Variants in PHACTR1 observed in about 807,000 individuals in gnomAD.
The protein encoded by PHACTR1 is RPEL repeat containing 1.
Under a neutral mutation model 69.2 loss-of-function variants are expected in PHACTR1, and 16 were observed. That is an observed-to-expected ratio of 0.23 (90% confidence interval 0.16 to 0.35). The LOEUF is 0.35. PHACTR1 is among the 10% of genes least tolerant of loss of function. PHACTR1 has a pLI of 1.00. For synonymous variants in PHACTR1, 312 were observed against 284.5 expected, an observed-to-expected ratio of 1.10 and a Z score of -0.97; for missense variants, 510 against 734.7, an observed-to-expected ratio of 0.69 and a Z score of 3.54.
intron 4 of PHACTR1, among the ~76,000 whole-genome samples, chr6:12,852,571 C>CTTTATA (rs968475317): frequency 3.3e-5 from 5 of 152,076 alleles, no homozygotes; most frequent in Admixed American, 1.3e-4. Context: ...TCTGCAATCT[C>CTTTATA]TTTATATTTA....
chr6:12,886,690 G>A (rs1035855669), intron 4 of PHACTR1, among the ~76,000 whole-genome samples: 1 of 152,154 alleles, frequency 6.6e-6, no homozygotes, highest in Non-Finnish European at 1.5e-5. Context: ...AGAACCTTCC[G>A]AAGGAAACCC....
chr6:13,180,602 C>G (rs1471529165), intron 6 of PHACTR1, among the ~76,000 whole-genome samples: 1 of 152,212 alleles, frequency 6.6e-6, no homozygotes, highest in Non-Finnish European at 1.5e-5. Context: ...AGACCTCCGT[C>G]CCCTCTGGTT....
intron 3 of PHACTR1, among the ~76,000 whole-genome samples, chr6:12,722,457 CAG>C (rs1468302554): frequency 6.6e-6 from 1 of 152,202 alleles, no homozygotes; most frequent in African/African-American, 2.4e-5. Context: ...TTGATCCACA[CAG>C]AGTTGTTTCT....
At chr6:12,907,526 G>A (rs1785878550) in intron 4 of PHACTR1, among the ~76,000 whole-genome samples, 1 of 152,190 alleles carries the variant, frequency 6.6e-6, no homozygotes, top group Non-Finnish European at 1.5e-5. Context: ...TTGATCTAAG[G>A]TTGGTCCTCA....
chr6:13,235,264 G>A (rs1233954474), intron 10 of PHACTR1, among the ~76,000 whole-genome samples: 1 of 152,124 alleles, frequency 6.6e-6, no homozygotes, highest in East Asian at 1.9e-4. Flanking sequence ...TTGGGATTCT[G>A]CATCCTGAAC....
intron 4 of PHACTR1, among the ~76,000 whole-genome samples, chr6:12,869,669 C>G (rs1313694300): frequency 6.6e-6 from 1 of 152,224 alleles, no homozygotes; most frequent in Non-Finnish European, 1.5e-5. Flanking sequence ...GTTCACTCTG[C>G]CTGAATGTCC....
intron 4 of PHACTR1, among the ~76,000 whole-genome samples, chr6:12,846,285 C>T (rs9349352): frequency 0.2 from 29,842 of 152,070 alleles, 3,229 homozygotes; most frequent in African/African-American, 0.29. Flanking sequence ...ATGGCTGATA[C>T]AGAGAATATA....
At chr6:12,776,227 ACT>A (rs991106702) in intron 4 of PHACTR1, among the ~76,000 whole-genome samples, 1 of 152,216 alleles carries the variant, frequency 6.6e-6, no homozygotes, top group African/African-American at 2.4e-5. Context: ...TGTAGCCAAC[ACT>A]GTCTTTATTT....
At chr6:13,057,181 G>C (rs968135606) in intron 5 of PHACTR1, among the ~76,000 whole-genome samples, 1 of 152,128 alleles carries the variant, frequency 6.6e-6, no homozygotes, top group African/African-American at 2.4e-5. Context: ...TGTTTGAGAT[G>C]ATGGATATTC....
intron 4 of PHACTR1, among the ~76,000 whole-genome samples, chr6:13,032,888 A>G (rs1276733264): frequency 6.6e-6 from 1 of 152,208 alleles, no homozygotes; most frequent in African/African-American, 2.4e-5. Context: ...GGTATGAGCT[A>G]CTGTGCCCAG....
At chr6:12,877,787 A>G (rs935493216) in intron 4 of PHACTR1, among the ~76,000 whole-genome samples, 5 of 152,148 alleles carry the variant, frequency 3.3e-5, no homozygotes, top group Non-Finnish European at 4.4e-5. Context: ...TCCTTCCAAC[A>G]TAAGTTCTCA....
At chr6:13,197,764 A>G (rs536640270) in intron 7 of PHACTR1, among the ~76,000 whole-genome samples, 60 of 152,342 alleles carry the variant, frequency 3.9e-4, no homozygotes, top group African/African-American at 1.2e-3. Context: ...CTCGGCCCAC[A>G]GCAGAAGCCT....
chr6:12,834,825 T>G (rs1777976463), intron 4 of PHACTR1, among the ~76,000 whole-genome samples: 1 of 152,156 alleles, frequency 6.6e-6, no homozygotes, highest in Non-Finnish European at 1.5e-5. Flanking sequence ...ATGGATTGAT[T>G]CAAGTGACTA....
intron 5 of PHACTR1, among the ~76,000 whole-genome samples, chr6:13,146,397 C>T (rs996609525): frequency 1.3e-5 from 2 of 152,164 alleles, no homozygotes; most frequent in African/African-American, 2.4e-5. Flanking sequence ...TTTCTTCTAA[C>T]CATAGATAAT....
chr6:12,896,829 AT>A (rs895569514), intron 4 of PHACTR1, among the ~76,000 whole-genome samples: 15 of 151,870 alleles, frequency 9.9e-5, no homozygotes, highest in Admixed American at 4.6e-4. Flanking sequence ...TCCTTCTTGT[AT>A]TTTTTTTGGA....
intron 4 of PHACTR1, among the ~76,000 whole-genome samples, chr6:12,945,862 GTTGAGGCAGGAGAACTGC>G (rs1790612040): frequency 6.6e-6 from 1 of 151,984 alleles, no homozygotes; most frequent in Non-Finnish European, 1.5e-5. Flanking sequence ...TACTCAGGAG[GTTGAGGCAGGAGAACTGC>G]TTGAACCCAG....
intron 4 of PHACTR1, among the ~76,000 whole-genome samples, chr6:12,944,172 G>A (rs975559448): frequency 2.6e-5 from 4 of 152,194 alleles, no homozygotes; most frequent in Non-Finnish European, 4.4e-5. Flanking sequence ...AAGGCAGGAG[G>A]CACAGTGTGT....
At chr6:12,864,446 C>T (rs138450933) in intron 4 of PHACTR1, among the ~76,000 whole-genome samples, 24 of 152,216 alleles carry the variant, frequency 1.6e-4, no homozygotes, top group African/African-American at 5.1e-4. Flanking sequence ...TTTGGGAGGC[C>T]GAGGTGGGCG....
chr6:12,754,128 A>AT (rs34841058), intron 4 of PHACTR1, among the ~76,000 whole-genome samples: 33,821 of 112,252 alleles, frequency 0.3, 5,754 homozygotes, highest in South Asian at 0.64. Context: ...ACGCCTGGCT[A>AT]TTTTTTTTTT....
Sources: gnomAD v4.1 joint callset for allele counts (sites outside exome capture counted in the v4.1 genomes callset) on GRCh38, gnomAD v4.1.1 for gene constraint, MANE v1.5 for transcripts, NCBI Gene and HGNC (gene_info 2026-07-23, HGNC 2026-07-21) for gene names.